The following MCFD2 variants were observed in gnomAD, a reference collection of about 807,000 sequenced individuals.
MCFD2 encodes multiple coagulation factor deficiency protein 2.
Under a neutral mutation model 12.8 loss-of-function variants are expected in MCFD2, and 11 were observed. The observed-to-expected ratio is 0.86, with a 90% CI of 0.54 to 1.42. The LOEUF is 1.42. MCFD2 is among the 40% of genes most tolerant of loss of function. The pLI is 0.00. For synonymous variants in MCFD2, 70 were observed against 68.1 expected (o/e 1.03, Z -0.14); for missense variants, 191 against 178.6 (o/e 1.07, Z -0.40).
Position 46,907,542 on chromosome 2 carries a change from G to T in MCFD2, c.309+268C>A, listed in dbSNP as rs953911335. On this transcript the variant is annotated intron_variant, in intron 3 of 3. Transcript: ENST00000319466. This position sits in a 1 kb window ranked among gnomAD's most constrained non-coding sequence, Gnocchi z 4.1. ...TAGAACTACGGGCATGCACTACCAG[G>T]CCTGGCTAATTTTTTAATTTTTGTT... The T allele has an allele frequency of 2.3e-6, 1 of 442,070 alleles. No individual in the cohort carries two copies. The highest frequency in any genetic ancestry group is 4.2e-6 in the Non-Finnish European group (1 of 237,234). The allele number at this position is 442,070 out of a possible 1,614,324, so 27.4% of individuals were successfully genotyped here.
rs1271656338 is a variant in MCFD2 at position 46,908,880 on chromosome 2, T to G, written c.149+143A>C. 9.0e-7 allele frequency: 1 copy of G among 1,112,182 alleles called. No homozygotes were observed. The highest frequency in any genetic ancestry group is 2.4e-5 in the East Asian group (1 of 41,258). 68.9% of individuals were successfully genotyped at this position (1,112,182 alleles called of 1,614,324 possible). On this transcript the variant is annotated intron_variant, in intron 2 of 3. Coordinates refer to ENST00000319466, the MANE Select transcript of MCFD2 (RefSeq NM_139279.6). The surrounding 1 kb of genome is among the most constrained non-coding windows in gnomAD (Gnocchi z 4.5). ...AGAATACCTGACTTATAGGTGGCAA[T>G]AAGGAATAAGAATCATCCTTGAAGA...
intron 1 of MCFD2, among the ~76,000 whole-genome samples, chr2:46,934,661 G>T (rs900218770): frequency 1.3e-5 from 2 of 151,828 alleles, no homozygotes; most frequent in African/African-American, 4.8e-5. Context: ...AGTAAGCCTG[G>T]ATGACAGAGG....
chr2:46,921,963 G>T (rs1426581753), intron 1 of MCFD2, among the ~76,000 whole-genome samples: 1 of 152,196 alleles, frequency 6.6e-6, no homozygotes, highest in African/African-American at 2.4e-5. Flanking sequence ...CACTAGTTGG[G>T]GGGTGAGGGC....
Position 46,941,838 on chromosome 2 carries a change from C to T in MCFD2, c.-274G>A, listed in dbSNP as rs560777699. 1.5e-6 allele frequency: 2 copies of T among 1,372,780 alleles called. No homozygotes were observed. Among genetic ancestry groups the T allele is most frequent in the African/African-American group, 1.4e-5 (1 of 69,162 alleles). The allele number at this position is 1,372,780 out of a possible 1,614,324, so 85.0% of individuals were successfully genotyped here. A position where few individuals can be genotyped will look rare whatever the true frequency, so the allele number is the denominator to read the frequency against. On this transcript the variant is annotated 5_prime_UTR_variant, in exon 1 of 3. Coordinates refer to the MCFD2 transcript ENST00000409147. This position sits in a 1 kb window ranked among gnomAD's most constrained non-coding sequence, Gnocchi z 4.2. ...CGACAGCGGGCGCCTGCCAGCCCACCGTGCTAGTCTTAAGAGCAGCCAGGG... is the reference window on the plus strand; with the variant it reads ...CGACAGCGGGCGCCTGCCAGCCCACTGTGCTAGTCTTAAGAGCAGCCAGGG...
Position 46,941,340 on chromosome 2 carries a change from C to T in MCFD2, c.-8+232G>A, listed in dbSNP as rs1670345877. Reference sequence around the variant, plus strand: ...GGCCGGAGCCGCAGCCCGGAGGCGCCGGGCGGTGCGCTGGGAGCTGCTGGT... The same window carrying T: ...GGCCGGAGCCGCAGCCCGGAGGCGCTGGGCGGTGCGCTGGGAGCTGCTGGT... On this transcript the variant is annotated intron_variant, in intron 1 of 2. Transcript: ENST00000409147. This position sits in a 1 kb window ranked among gnomAD's most constrained non-coding sequence, Gnocchi z 4.2. The T allele has an allele frequency of 7.4e-6, 2 of 270,104 alleles. No individual in the cohort carries two copies. The highest frequency in any genetic ancestry group is 1.2e-5 in the Non-Finnish European group (2 of 162,902). 16.7% of individuals were successfully genotyped at this position (270,104 alleles called of 1,614,324 possible).
rs1216795995 is a variant in MCFD2, at chr2:46,937,589, A to AC, written c.-8+3982dup. Among the ~76,000 whole-genome samples the AC allele has an allele frequency of 2.6e-5, 4 of 151,814 alleles. No homozygotes were observed. The highest frequency in any genetic ancestry group is 1.9e-4 in the East Asian group (1 of 5,152). On this transcript the variant is annotated intron_variant, in intron 1 of 2. Transcript: ENST00000409147. The surrounding 1 kb of genome is among the most constrained non-coding windows in gnomAD (Gnocchi z 4.0). ...TTGGATGAAAAAGTCAGAATGGAAA[A>AC]CCCCCCAATGATGATTTTTTATTTA...
upstream of MCFD2, among the ~76,000 whole-genome samples, chr2:46,919,577 A>T (rs144440588): frequency 6.6e-6 from 1 of 152,352 alleles, no homozygotes; most frequent in South Asian, 2.1e-4. Flanking sequence ...TGTGATTACT[A>T]TACATGAAAT....
chr2:46,906,061 G>T, intron 3 of MCFD2: 2 of 468,498 alleles, frequency 4.3e-6, no homozygotes, highest in Non-Finnish European at 4.4e-6. Context: ...CCGATGAGCA[G>T]AACCTGTTAT....
intron 1 of MCFD2, among the ~76,000 whole-genome samples, chr2:46,910,203 G>T (rs965231859): frequency 2.0e-5 from 3 of 152,178 alleles, no homozygotes; most frequent in African/African-American, 7.2e-5. Context: ...CTCTTGGAGG[G>T]CAGGGAGAAC....
chr2:46,926,778 A>T, intron 1 of MCFD2, among the ~76,000 whole-genome samples: 2 of 152,366 alleles, frequency 1.3e-5, no homozygotes, highest in South Asian at 4.1e-4. Context: ...CACAAACTAG[A>T]AGAAAGAGCA....
intron 3 of MCFD2, 96 bp from the exon 4 acceptor site, chr2:46,905,690 TTTA>T: frequency 1.1e-6 from 1 of 919,966 alleles, no homozygotes. Context: ...CATGGCACTG[TTTA>T]TTAAAAAAAA....
At position 46,908,630 on chromosome 2, in the gene MCFD2, A is replaced by G. The variant is rs7565420; in HGVS notation, c.149+393T>C. 0.095 allele frequency: 29,970 copies of G among 314,004 alleles called. 2,226 individuals are homozygous for G. Among genetic ancestry groups the G allele is most frequent in the African/African-American group, 0.25 (11,289 of 46,072 alleles). The allele number at this position is 314,004 out of a possible 1,614,324, so 19.5% of individuals were successfully genotyped here. On this transcript the variant is annotated intron_variant, in intron 2 of 3. Coordinates refer to ENST00000319466, the MANE Select transcript of MCFD2 (RefSeq NM_139279.6). The surrounding 1 kb of genome is among the most constrained non-coding windows in gnomAD (Gnocchi z 4.5). ...TGGCCCAAGACAAAAGCTGCAACAA[A>G]TGATTCAATGTTTGAATGTGTTGAT... is the stretch of plus-strand genomic sequence containing the variant.
upstream of MCFD2, chr2:46,917,287 C>T (rs1393941486): frequency 9.1e-6 from 6 of 661,484 alleles, no homozygotes; most frequent in Admixed American, 2.6e-5. Context: ...GGTGAGCCAC[C>T]GCGCCGGGAC....
rs373332952 is a variant in MCFD2 at position 46,909,212 on chromosome 2, G to A, written c.-6-35C>T. 1.3e-5 allele frequency: 20 copies of A among 1,598,382 alleles called. No individual in the cohort carries two copies. In the African/African-American group the frequency reaches 1.5e-4, roughly 12 times the overall value. On this transcript the variant is annotated intron_variant, in intron 1 of 3. Transcript: ENST00000319466. ...GGGAAACACAGAAGAGGAAGGCAGAGCATCAGAGCAAAGGTTTCGTTCAGG... is the reference window on the plus strand; with the variant it reads ...GGGAAACACAGAAGAGGAAGGCAGAACATCAGAGCAAAGGTTTCGTTCAGG...
upstream of MCFD2, among the ~76,000 whole-genome samples, chr2:46,916,795 C>T (rs1320853559): frequency 1.3e-5 from 2 of 152,006 alleles, no homozygotes; most frequent in African/African-American, 2.4e-5. Context: ...CCACCTTGCC[C>T]GGCTAATTTT....
upstream of MCFD2, among the ~76,000 whole-genome samples, chr2:46,919,839 A>C (rs753328817): frequency 1.3e-5 from 2 of 152,232 alleles, no homozygotes; most frequent in African/African-American, 4.8e-5. Context: ...TTGTTTAGAG[A>C]AAAGGTCTTG....
rs75833661 is a variant in MCFD2, at chr2:46,940,537, G to C, written c.-8+1035C>G. On this transcript the variant is annotated intron_variant, in intron 1 of 2. Coordinates refer to the MCFD2 transcript ENST00000409147. The surrounding 1 kb of genome is among the most constrained non-coding windows in gnomAD (Gnocchi z 4.7). ...CCTGCTAAGCACTCCATAGAGCTTT[G>C]ATCACAGTCTTAGACCAGCATGAAG... Among the ~76,000 whole-genome samples, 1 of 152,336 alleles carries C rather than the reference G, an allele frequency of 6.6e-6. No individual in the cohort carries two copies. The highest frequency in any genetic ancestry group is 1.9e-4 in the East Asian group (1 of 5,178).
rs1668499859 is a variant in MCFD2 at position 46,911,847 on chromosome 2, AC to A, written c.-6-2671del. 3.9e-5 allele frequency among the ~76,000 whole-genome samples: 6 copies of A among 151,990 alleles called. No homozygotes were observed. The South Asian group carries it at 1.2e-3, about 32-fold the overall frequency. ...AGGCTGCGGCAGGAGAATGGCATGA[AC>A]CCGGAGGTGGAGCCTGCAGTGAGCC... is the stretch of plus-strand genomic sequence containing the variant. On this transcript the variant is annotated intron_variant, in intron 1 of 3. Transcript: ENST00000319466.
At position 46,903,004 on chromosome 2, in the gene MCFD2, G is replaced by T. The variant is rs987005825; in HGVS notation, c.*2459C>A. 1 of 152,196 alleles carries T rather than the reference G, an allele frequency of 6.6e-6. No individual in the cohort carries two copies. The highest frequency in any genetic ancestry group is 6.5e-5 in the Admixed American group (1 of 15,286). 9.4% of individuals were successfully genotyped at this position (152,196 alleles called of 1,614,324 possible). ...TATCTAATATTCTTGAAAGGATGCTGATATGGTTTGGTTGTGTCCCCCCAC... is the reference window on the plus strand; with the variant it reads ...TATCTAATATTCTTGAAAGGATGCTTATATGGTTTGGTTGTGTCCCCCCAC... On this transcript the variant is annotated 3_prime_UTR_variant, in exon 4 of 4. Coordinates refer to ENST00000319466, the MANE Select transcript of MCFD2 (RefSeq NM_139279.6).
Sources: allele counts gnomAD v4.1 joint callset (sites outside exome capture counted in the v4.1 genomes callset), GRCh38; gene constraint gnomAD v4.1.1; non-coding constraint Gnocchi (gnomAD v3.1); transcripts MANE v1.5; gene names NCBI Gene and HGNC (gene_info 2026-07-23, HGNC 2026-07-21).